The following SLFN14 variants were observed in gnomAD, a reference collection of about 807,000 sequenced individuals.
SLFN14 encodes schlafen family member 14.
In SLFN14, 47 loss-of-function variants were observed where a neutral mutation model predicts 58.6. That is an observed-to-expected ratio of 0.80 (90% confidence interval 0.64 to 1.02). SLFN14 has a LOEUF of 1.02. SLFN14 is among the 50% of genes least tolerant of loss of function. The pLI is 0.00. For missense variants in SLFN14, 967 were observed against 1,078.4 expected (o/e 0.90, Z 1.45); for synonymous variants, 390 against 387.3 (o/e 1.01, Z -0.08).
intron 3 of SLFN14, 172 bp from the exon 4 acceptor site, chr17:35,554,876 T>C: frequency 2.3e-6 from 1 of 439,830 alleles, no homozygotes. Context: ...AAAGGAAGTC[T>C]GGGGATTCCT....
Position 35,552,966 on chromosome 17 carries a change from T to C in SLFN14, c.1668A>G (p.Arg556=), listed in dbSNP as rs1251897506. Residue 556 remains arginine, a synonymous_variant, in exon 5 of 6, where the codon AGA becomes AGG. Transcript: ENST00000674182. ...AGCCCATCTGGTCACTCAGAAGAGA[T>C]CTGGAGGACAGGGAGACCACCACCA... ...QALVVVSLSS[R]SLLSDQMGCE... The C allele has an allele frequency of 7.1e-6, 11 of 1,551,584 alleles. No homozygotes were observed. Among genetic ancestry groups the C allele is most frequent in the Non-Finnish European group, 9.6e-6 (11 of 1,146,986 alleles).
At chr17:35,554,763 A>T in intron 3 of SLFN14, 59 bp from the exon 4 acceptor site, 1 of 1,353,234 alleles carries the variant, frequency 7.4e-7, no homozygotes. Context: ...AAAAAAAAAA[A>T]AAAAAGCCTC....
Position 35,554,654 on chromosome 17 carries a change from A to G in SLFN14, c.1111T>C (p.Ser371Pro). The change falls in exon 4 of 6, where the codon TCA becomes CCA. Residue 371 changes from serine to proline, a missense_variant. Transcript: ENST00000674182. The part of the protein sequence containing the change: ...DYNSCLISSA[S>P]SARKSPGYPI... Reference sequence around the variant, plus strand: ...TATCCGGGACTTTTTCGTGCAGATGAAGCTGATGAAATCAGGCAAGAGTTG... The same window carrying G: ...TATCCGGGACTTTTTCGTGCAGATGGAGCTGATGAAATCAGGCAAGAGTTG... 6.6e-7 allele frequency: 1 copy of G among 1,504,378 alleles called. No individual in the cohort carries two copies. Among genetic ancestry groups the G allele is most frequent in the Non-Finnish European group, 8.9e-7 (1 of 1,120,834 alleles). 93.2% of individuals were successfully genotyped at this position (1,504,378 alleles called of 1,614,324 possible).
Position 35,548,810 on chromosome 17 carries a change from A to T in SLFN14, c.2168T>A (p.Phe723Tyr). The change falls in exon 6 of 6, where the codon TTT (phenylalanine) becomes TAT (tyrosine). Residue 723 changes from phenylalanine to tyrosine, a missense_variant. Phe to Tyr is a conservative substitution (Grantham distance 22). Coordinates refer to ENST00000674182, the MANE Select transcript of SLFN14 (RefSeq NM_001129820.2). ...VNGLPPPSAQ[F>Y]PRKTITSGIH... ...CCCACTGGTGATTGTTTTTCGAGGA[A>T]ACTGAGCAGATGGAGGGGGAAGGCC... The T allele has an allele frequency of 6.4e-7, 1 of 1,551,694 alleles. No homozygotes were observed.
In SLFN14 at chr17:35,553,152, C is replaced by T; in HGVS notation, c.1482G>A (p.Gln494=). The T allele has an allele frequency of 6.4e-7, 1 of 1,551,688 alleles. No homozygotes were observed. Among genetic ancestry groups the T allele is most frequent in the Non-Finnish European group, 8.7e-7 (1 of 1,146,994 alleles). Residue 494 remains glutamine, a synonymous_variant, in exon 5 of 6, where the codon CAG becomes CAA. Coordinates refer to ENST00000674182, the MANE Select transcript of SLFN14 (RefSeq NM_001129820.2). The stretch of plus-strand genomic sequence containing the variant: ...TGTAACCACCAACAGTTTGCAGTTT[C>T]TGCTTTAACTGATGAGCTGTGTTTC... ...YARNTAHQLK[Q]KLQTVGGYTG...
intron 3 of SLFN14, 66 bp from the exon 4 acceptor site, chr17:35,554,770 C>T: frequency 2.0e-6 from 2 of 1,006,972 alleles, no homozygotes; most frequent in Non-Finnish European, 2.7e-6. Flanking sequence ...AAAAAAAAAG[C>T]CTCTTTTTTT....
intron 5 of SLFN14, among the ~76,000 whole-genome samples, chr17:35,552,125 A>G (rs1485086213): frequency 1.3e-5 from 2 of 152,210 alleles, no homozygotes; most frequent in Non-Finnish European, 2.9e-5. Flanking sequence ...CCATGCTCCA[A>G]TGTTAATGAC....
chr17:35,554,306 A>T (rs1411705834), intron 4 of SLFN14, among the ~76,000 whole-genome samples: 2 of 147,568 alleles, frequency 1.4e-5, no homozygotes, highest in African/African-American at 4.9e-5. Context: ...AGATATATAA[A>T]TATTATATAT....
Position 35,548,754 on chromosome 17 carries a change from T to C in SLFN14, c.2224A>G (p.Met742Val), listed in dbSNP as rs1171031762. Residue 742 changes from methionine to valine, a missense_variant, in exon 6 of 6, where the codon ATG becomes GTG. Physicochemically the swap from Met to Val is conservative, Grantham distance 21. Transcript: ENST00000674182. ...TTGATCCTCTTCATTTCTTCTTTCA[T>C]AACCTTCGCTATTTCCAGAGCACAG... ...IHCALEIAKV[M>V]KEEMKRIKEN... is the part of the protein sequence containing the mutation. 1.3e-5 allele frequency: 20 copies of C among 1,551,742 alleles called. No individual in the cohort carries two copies. Among genetic ancestry groups the C allele is most frequent in the Non-Finnish European group, 1.6e-5 (18 of 1,146,992 alleles).
At chr17:35,558,527 G>A (rs373484778) in intron 2 of SLFN14, among the ~76,000 whole-genome samples, 1 of 151,568 alleles carries the variant, frequency 6.6e-6, no homozygotes, top group Non-Finnish European at 1.5e-5. Flanking sequence ...CTCCCAAAGT[G>A]CTGGGATTAC....
Sources: allele counts gnomAD v4.1 joint callset (sites outside exome capture counted in the v4.1 genomes callset), GRCh38; gene constraint gnomAD v4.1.1; transcripts MANE v1.5; gene names NCBI Gene and HGNC (gene_info 2026-07-23, HGNC 2026-07-21).